The following SEL1L2 variants were observed in gnomAD, a reference collection of about 807,000 sequenced individuals.
The protein encoded by SEL1L2 is protein sel-1 homolog 2.
SEL1L2 carries 89 observed loss-of-function variants against 98.8 expected under a neutral mutation model. The ratio of observed to expected loss-of-function variants is 0.90; its 90% confidence interval spans 0.76 to 1.07. SEL1L2 has a LOEUF of 1.07. SEL1L2 is among the 50% of genes least tolerant of loss of function. SEL1L2 has a pLI of 0.00. For synonymous variants in SEL1L2, 262 were observed against 278.5 expected, an observed-to-expected ratio of 0.94 and a Z score of 0.59; for missense variants, 788 against 812.0, an observed-to-expected ratio of 0.97 and a Z score of 0.36.
chr20:13,958,220 T>G (rs2050627623), intron 1 of SEL1L2, among the ~76,000 whole-genome samples: 1 of 152,200 alleles, frequency 6.6e-6, no homozygotes. Flanking sequence ...TTTAGCACAG[T>G]ACTTAATACA....
At chr20:13,934,000 A>T (rs1310095792) in intron 2 of SEL1L2, among the ~76,000 whole-genome samples, 1 of 148,668 alleles carries the variant, frequency 6.7e-6, no homozygotes. Flanking sequence ...TTTTGGGAGA[A>T]CAGGTAGGAT....
intron 3 of SEL1L2, among the ~76,000 whole-genome samples, chr20:13,927,346 C>T (rs763985860): frequency 6.6e-5 from 10 of 152,132 alleles, no homozygotes; most frequent in African/African-American, 9.7e-5. Context: ...TCCAACTATG[C>T]GACAGATACA....
chr20:13,857,521 G>T (rs928097683), intron 18 of SEL1L2, among the ~76,000 whole-genome samples: 1 of 152,238 alleles, frequency 6.6e-6, no homozygotes, highest in Non-Finnish European at 1.5e-5. Context: ...CTGGCTCTGT[G>T]TCCTGAGAGG....
intron 2 of SEL1L2, among the ~76,000 whole-genome samples, chr20:13,944,830 G>A (rs1179556026): frequency 6.6e-6 from 1 of 152,228 alleles, no homozygotes; most frequent in Non-Finnish European, 1.5e-5. Flanking sequence ...ACAAAACCCA[G>A]GAAGGTCATC....
At chr20:13,918,125 C>T (rs2048491344) in intron 4 of SEL1L2, among the ~76,000 whole-genome samples, 1 of 152,096 alleles carries the variant, frequency 6.6e-6, no homozygotes, top group African/African-American at 2.4e-5. Flanking sequence ...TTCAAAATAC[C>T]CTTGCTTTCT....
At chr20:13,969,759 T>C (rs974499304) in intron 1 of SEL1L2, among the ~76,000 whole-genome samples, 1 of 152,224 alleles carries the variant, frequency 6.6e-6, no homozygotes, top group Non-Finnish European at 1.5e-5. Context: ...TTCCAGGACA[T>C]GTCTTTCCTG....
chr20:13,916,973 G>C (rs2148212715), intron 4 of SEL1L2, among the ~76,000 whole-genome samples: 1 of 152,264 alleles, frequency 6.6e-6, no homozygotes, highest in Middle Eastern at 3.4e-3. Flanking sequence ...CTGTTCTTTA[G>C]GCCAAAGAGG....
chr20:13,925,918 G>T (rs977816413), intron 3 of SEL1L2, among the ~76,000 whole-genome samples: 1 of 152,208 alleles, frequency 6.6e-6, no homozygotes, highest in Non-Finnish European at 1.5e-5. Flanking sequence ...ATAAAACTGT[G>T]AGCTGATTTA....
At chr20:13,935,942 T>C (rs1462197099) in intron 2 of SEL1L2, among the ~76,000 whole-genome samples, 1 of 152,182 alleles carries the variant, frequency 6.6e-6, no homozygotes, top group African/African-American at 2.4e-5. Context: ...TCCGGAAACA[T>C]TGCTGACAAG....
At chr20:13,965,329 A>G (rs2050990913) in intron 1 of SEL1L2, among the ~76,000 whole-genome samples, 1 of 152,204 alleles carries the variant, frequency 6.6e-6, no homozygotes, top group African/African-American at 2.4e-5. Flanking sequence ...AAGTTTCGAG[A>G]GCAGGTCAGG....
intron 12 of SEL1L2, among the ~76,000 whole-genome samples, chr20:13,873,023 C>T (rs2046275753): frequency 6.7e-6 from 1 of 149,870 alleles, no homozygotes; most frequent in Non-Finnish European, 1.5e-5. Context: ...CAGACTCTTG[C>T]TCTATCACCC....
intron 1 of SEL1L2, among the ~76,000 whole-genome samples, chr20:13,965,588 C>G (rs2051004102): frequency 6.6e-6 from 1 of 152,168 alleles, no homozygotes; most frequent in Non-Finnish European, 1.5e-5. Flanking sequence ...TCATTTTAAT[C>G]TAATTTCCGT....
chr20:13,887,132 A>G (rs1316413106), intron 8 of SEL1L2, among the ~76,000 whole-genome samples: 1 of 152,234 alleles, frequency 6.6e-6, no homozygotes, highest in African/African-American at 2.4e-5. Context: ...GAAAATAAAT[A>G]TAAAGATAGA....
chr20:13,964,397 G>A (rs2050934074), intron 1 of SEL1L2, among the ~76,000 whole-genome samples: 2 of 110,276 alleles, frequency 1.8e-5, no homozygotes, highest in Admixed American at 1.3e-4. Context: ...GCCCTTTTTC[G>A]TTGAGCACAT....
At chr20:13,899,356 A>G (rs994046215) in intron 5 of SEL1L2, among the ~76,000 whole-genome samples, 2 of 152,208 alleles carry the variant, frequency 1.3e-5, no homozygotes, top group Admixed American at 6.5e-5. Context: ...TCAGTTTACT[A>G]ACTTTTAGAA....
At chr20:13,854,381 T>C (rs942911086) in intron 18 of SEL1L2, among the ~76,000 whole-genome samples, 4 of 152,230 alleles carry the variant, frequency 2.6e-5, no homozygotes, top group African/African-American at 9.6e-5. Flanking sequence ...AAGGTTGTCA[T>C]ATGTTTCTCG....
At chr20:13,972,639 C>G (rs1367905281) in intron 1 of SEL1L2, among the ~76,000 whole-genome samples, 2 of 152,014 alleles carry the variant, frequency 1.3e-5, no homozygotes, top group Admixed American at 1.3e-4. Context: ...TTGAAAATGT[C>G]ATTACACTTG....
At chr20:13,967,186 C>G (rs1194700637) in intron 1 of SEL1L2, among the ~76,000 whole-genome samples, 1 of 152,106 alleles carries the variant, frequency 6.6e-6, no homozygotes, top group East Asian at 1.9e-4. Flanking sequence ...CAGCCAAAAC[C>G]TATCTTTTTA....
intron 1 of SEL1L2, among the ~76,000 whole-genome samples, chr20:13,960,211 C>G (rs2050717733): frequency 6.6e-6 from 1 of 152,086 alleles, no homozygotes; most frequent in Non-Finnish European, 1.5e-5. Context: ...ACAGAACGTA[C>G]AGACACAGAA....
Sources: gnomAD v4.1 joint callset for allele counts (sites outside exome capture counted in the v4.1 genomes callset) on GRCh38, gnomAD v4.1.1 for gene constraint, MANE v1.5 for transcripts, NCBI Gene and HGNC (gene_info 2026-07-23, HGNC 2026-07-21) for gene names.